PIGV: variants seen among roughly 807,000 people sequenced by gnomAD.
The protein encoded by PIGV is GPI alpha-1,6-mannosyltransferase 2.
Under a neutral mutation model 39.2 loss-of-function variants are expected in PIGV, and 27 were observed. The ratio of observed to expected loss-of-function variants is 0.69; its 90% CI spans 0.51 to 0.95. PIGV has a LOEUF of 0.95. Ranked by LOEUF, PIGV falls within the 40% of genes least tolerant of loss-of-function variation. The pLI is 0.00. For synonymous variants in PIGV, 232 were observed against 241.7 expected, an observed-to-expected ratio of 0.96 and a Z score of 0.37; for missense variants, 523 against 586.4, an observed-to-expected ratio of 0.89 and a Z score of 1.12.
At position 26,795,011 on chromosome 1, in the gene PIGV, C is replaced by A; in HGVS notation, c.977C>A (p.Pro326His). The change falls in exon 3 of 4, where the codon CCC becomes CAC. Residue 326 changes from proline to histidine, a missense_variant. By Grantham distance (77) the Pro-to-His change is moderately conservative. Transcript: ENST00000674202. ...FLKYYELKQVPNFLLAAPVAI... is the reference protein window; with the variant it reads ...FLKYYELKQVHNFLLAAPVAI... Reference sequence around the variant, plus strand: ...AAATACTATGAGCTCAAGCAGGTGCCCAATTTTCTACTGGCTGCACCAGTG... The same window carrying A: ...AAATACTATGAGCTCAAGCAGGTGCACAATTTTCTACTGGCTGCACCAGTG... The A allele has an allele frequency of 6.2e-7, 1 of 1,614,124 alleles. No individual in the cohort carries two copies. The highest frequency in any genetic ancestry group is 1.1e-5 in the South Asian group (1 of 91,080).
intron 2 of PIGV, among the ~76,000 whole-genome samples, chr1:26,791,140 G>A (rs1270526058): frequency 2.0e-5 from 3 of 152,184 alleles, no homozygotes; most frequent in Non-Finnish European, 4.4e-5. Flanking sequence ...CACATAGCAA[G>A]ATAGAGAAGG....
intron 2 of PIGV, 92 bp from the exon 3 acceptor site, chr1:26,794,021 G>T: frequency 1.6e-6 from 2 of 1,239,426 alleles, no homozygotes; most frequent in South Asian, 2.4e-5. Flanking sequence ...GGGATTACAG[G>T]CATGAGCCTG....
chr1:26,793,904 C>T (rs2081344461), intron 2 of PIGV, among the ~76,000 whole-genome samples: 1 of 151,896 alleles, frequency 6.6e-6, no homozygotes, highest in Non-Finnish European at 1.5e-5. Flanking sequence ...CCACTGTGCT[C>T]AGACTTTTTT....
chr1:26,800,600 ATTCT>A lies in PIGV; in HGVS notation c.*2760_*2763del, dbSNP rs1026454185. Among the ~76,000 whole-genome samples the A allele has an allele frequency of 5.3e-5, 8 of 152,138 alleles. No individual in the cohort carries two copies. Among genetic ancestry groups the A allele is most frequent in the Non-Finnish European group, 1.2e-4 (8 of 68,022 alleles). ...GGCTCAAGGGATTTGAAACTGATTG[ATTCT>A]TTCAGTAATTGTTTATTAATGCCTA... On this transcript the variant is annotated 3_prime_UTR_variant, in exon 4 of 4. Transcript: ENST00000674202.
rs773491605 is a variant in PIGV at position 26,797,665 on chromosome 1, C to T, written c.1303C>T (p.Pro435Ser). Residue 435 changes from proline to serine, a missense_variant, in exon 4 of 4, where the codon CCT becomes TCT. Coordinates refer to ENST00000674202, the MANE Select transcript of PIGV (RefSeq NM_017837.4). ...GCTGTTGAGATCCTTAAAGACTGTGCCTTGGAAGCCTCTTGCAGAGGACTC... is the reference window on the plus strand; with the variant it reads ...GCTGTTGAGATCCTTAAAGACTGTGTCTTGGAAGCCTCTTGCAGAGGACTC... ...EPLLRSLKTVPWKPLAEDSPP... is the reference protein window; with the variant it reads ...EPLLRSLKTVSWKPLAEDSPP... The T allele has an allele frequency of 6.2e-7, 1 of 1,614,086 alleles. No individual in the cohort carries two copies. The highest frequency in any genetic ancestry group is 8.5e-7 in the Non-Finnish European group (1 of 1,179,962).
Position 26,799,675 on chromosome 1 carries a change from A to G in PIGV, c.*1831A>G, listed in dbSNP as rs1201831227. Reference sequence around the variant, plus strand: ...TCAGCCTGGCCAATAAGCATTTCCCATCCATCGCCCCAGCACTAGGACAGC... The same window carrying G: ...TCAGCCTGGCCAATAAGCATTTCCCGTCCATCGCCCCAGCACTAGGACAGC... On this transcript the variant is annotated 3_prime_UTR_variant, in exon 4 of 4. Transcript: ENST00000674202. Among the ~76,000 whole-genome samples, 1 of 152,174 alleles carries G rather than the reference A, an allele frequency of 6.6e-6. No individual in the cohort carries two copies. The highest frequency in any genetic ancestry group is 2.4e-5 in the African/African-American group (1 of 41,446).
chr1:26,799,049 G>A lies in PIGV; in HGVS notation c.*1205G>A, dbSNP rs1053939938. Among the ~76,000 whole-genome samples, 3 of 152,206 alleles carry A rather than the reference G, an allele frequency of 2.0e-5. No individual in the cohort carries two copies. The highest frequency in any genetic ancestry group is 4.4e-5 in the Non-Finnish European group (3 of 68,038). ...ACCCCAGTCTAAATGCTAATGTAGA[G>A]GCTTAAATGTGTGATTTTAGGAGAA... On this transcript the variant is annotated 3_prime_UTR_variant, in exon 4 of 4. Coordinates refer to ENST00000674202, the MANE Select transcript of PIGV (RefSeq NM_017837.4).
intron 3 of PIGV, among the ~76,000 whole-genome samples, 160 bp downstream of exon 3, chr1:26,795,394 G>C (rs1043300563): frequency 6.6e-6 from 1 of 152,090 alleles, no homozygotes; most frequent in African/African-American, 2.4e-5. Context: ...CTCTGGGTCA[G>C]ACCTCTAAGG....
At chr1:26,795,717 A>C (rs1330163409) in intron 3 of PIGV, among the ~76,000 whole-genome samples, 5 of 150,170 alleles carry the variant, frequency 3.3e-5, no homozygotes, top group Non-Finnish European at 7.4e-5. Context: ...CTCAAAAAAA[A>C]AAAAAAAAAA....
At position 26,794,629 on chromosome 1, in the gene PIGV, G is replaced by T. The variant is rs1387412495; in HGVS notation, c.595G>T (p.Ala199Ser). The change falls in exon 3 of 4, where the codon GCC becomes TCC. Residue 199 changes from alanine (A) to serine (S), a missense_variant. Transcript: ENST00000674202. Reference sequence around the variant, plus strand: ...GACTAGTGTACTCCTCTTTGCCTTTGCCACTGGGGTACGCTCCAACGGGCT... The same window carrying T: ...GACTAGTGTACTCCTCTTTGCCTTTTCCACTGGGGTACGCTCCAACGGGCT... ...VWTSVLLFAF[A>S]TGVRSNGLVS... 2 of 1,614,224 alleles carry T rather than the reference G, an allele frequency of 1.2e-6. No individual in the cohort carries two copies. The highest frequency in any genetic ancestry group is 1.7e-6 in the Non-Finnish European group (2 of 1,180,048).
rs952234034 is a variant in PIGV at position 26,794,468 on chromosome 1, C to T, written c.434C>T (p.Pro145Leu). ...CTGGGTTGTCTGGTTTTGCACTGTC[C>T]CCACCAGTCCTTTTATGCAGCTCTG... ...HDLGCLVLHC[P>L]HQSFYAALLF... The change falls in exon 3 of 4, where the codon CCC becomes CTC. Residue 145 changes from proline (P) to leucine (L), a missense_variant. Coordinates refer to ENST00000674202, the MANE Select transcript of PIGV (RefSeq NM_017837.4). 5 of 1,614,094 alleles carry T rather than the reference C, an allele frequency of 3.1e-6. No homozygotes were observed. The highest frequency in any genetic ancestry group is 1.7e-5 in the Admixed American group (1 of 60,006).
rs2081411839 is a variant in PIGV, at chr1:26,798,254, G to A, written c.*410G>A. 4.8e-6 allele frequency: 1 copy of A among 208,412 alleles called. No homozygotes were observed. The highest frequency in any genetic ancestry group is 9.8e-6 in the Non-Finnish European group (1 of 101,958). 12.9% of individuals were successfully genotyped at this position (208,412 alleles called of 1,614,324 possible). On this transcript the variant is annotated 3_prime_UTR_variant, in exon 4 of 4. Coordinates refer to ENST00000674202, the MANE Select transcript of PIGV (RefSeq NM_017837.4). ...AGTCCACACAAGATGGTATAGGCCT[G>A]AACAGTGTAGTGGCAGTAATAAAGT...
Position 26,799,941 on chromosome 1 carries a change from G to A in PIGV, c.*2097G>A, listed in dbSNP as rs1352825201. On this transcript the variant is annotated 3_prime_UTR_variant, in exon 4 of 4. Transcript: ENST00000674202. ...GGTCCTGTTTCAGCTCTTTATTGCC[G>A]AGGTAGGAGCACTGGGTTCTTCGCT... 2.0e-5 allele frequency among the ~76,000 whole-genome samples: 3 copies of A among 152,154 alleles called. No homozygotes were observed. The highest frequency in any genetic ancestry group is 1.9e-4 in the East Asian group (1 of 5,194).
rs1057515437 is a variant in PIGV, at chr1:26,795,042, A to G, written c.1008A>G (p.Ile336Met). ...PNFLLAAPVA[I>M]LVAWATWTYV... ...TTCTACTGGCTGCACCAGTGGCTAT[A>G]CTGGTTGCCTGGGCAACTTGGACAT... is the stretch of plus-strand genomic sequence containing the variant. The change falls in exon 3 of 4, where the codon ATA (isoleucine) becomes ATG (methionine). Residue 336 changes from isoleucine to methionine, a missense_variant. Physicochemically the swap from Ile to Met is conservative, Grantham distance 10 (BLOSUM62 1). Transcript: ENST00000674202. The G allele has an allele frequency of 2.5e-6, 4 of 1,614,190 alleles. No homozygotes were observed. Among genetic ancestry groups the G allele is most frequent in the Non-Finnish European group, 3.4e-6 (4 of 1,180,026 alleles).
In PIGV at chr1:26,794,841, C is replaced by G; in HGVS notation, c.807C>G (p.Ala269=). Residue 269 remains alanine (A), a synonymous_variant, in exon 3 of 4, where the codon GCC becomes GCG. Transcript: ENST00000674202. ...CCCAATTCTGTCTGCCAGGCTCAGC[C>G]CGCCCCATTCCTGAGCCTTTGGTAC... is the stretch of plus-strand genomic sequence containing the variant. The part of the protein sequence containing the change: ...AYTQFCLPGS[A]RPIPEPLVQL... The G allele has an allele frequency of 6.2e-7, 1 of 1,614,038 alleles. No individual in the cohort carries two copies. Among genetic ancestry groups the G allele is most frequent in the Non-Finnish European group, 8.5e-7 (1 of 1,179,886 alleles).
chr1:26,790,878 G>T lies in PIGV; in HGVS notation c.63G>T (p.Leu21=). Residue 21 remains leucine, a synonymous_variant, in exon 2 of 4, where the codon CTG becomes CTT. Transcript: ENST00000674202. ...VLRFAVSCRI[L]TLMLQALFNA... is the part of the protein sequence containing the mutation. Reference sequence around the variant, plus strand: ...GGTTTGCAGTCAGCTGCCGTATCCTGACTCTGATGCTGCAGGTCAGTCTCC... The same window carrying T: ...GGTTTGCAGTCAGCTGCCGTATCCTTACTCTGATGCTGCAGGTCAGTCTCC... 1.2e-6 allele frequency: 2 copies of T among 1,613,800 alleles called. No homozygotes were observed. The highest frequency in any genetic ancestry group is 1.7e-6 in the Non-Finnish European group (2 of 1,179,714).
upstream of PIGV, among the ~76,000 whole-genome samples, chr1:26,787,267 CT>C (rs957308827): frequency 3.3e-5 from 5 of 151,348 alleles, no homozygotes; most frequent in Non-Finnish European, 5.9e-5. Flanking sequence ...GAGTTCGCCT[CT>C]TTTTTTTTCT....
intron 2 of PIGV, among the ~76,000 whole-genome samples, chr1:26,793,472 T>C (rs1270771404): frequency 6.6e-6 from 1 of 152,218 alleles, no homozygotes; most frequent in Non-Finnish European, 1.5e-5. Flanking sequence ...ACTCCTTTTC[T>C]TCCCTTGGTT....
intron 3 of PIGV, 128 bp downstream of exon 3, chr1:26,795,362 T>A: frequency 8.5e-7 from 1 of 1,170,180 alleles, no homozygotes; most frequent in Non-Finnish European, 1.2e-6. Context: ...AATGACTATT[T>A]AGGGTTATTC....
Sources: allele counts gnomAD v4.1 joint callset (sites outside exome capture counted in the v4.1 genomes callset), GRCh38; gene constraint gnomAD v4.1.1; transcripts MANE v1.5; gene names NCBI Gene and HGNC (gene_info 2026-07-23, HGNC 2026-07-21).